SP110: variants seen among roughly 807,000 people sequenced by gnomAD.
SP110 encodes interferon-induced protein 41, 30kD.
In SP110, 62 loss-of-function variants were observed where a neutral mutation model predicts 92.7. That is an observed-to-expected ratio of 0.67 (90% CI 0.55 to 0.83). SP110 has a LOEUF of 0.83. SP110 is among the 40% of genes least tolerant of loss of function. The probability of loss-of-function intolerance (pLI) is 0.00; values close to 1 mark genes in which losing one functional copy is unlikely to be tolerated. For synonymous variants in SP110, 273 were observed against 305.3 expected (o/e 0.89, Z 1.10); for missense variants, 793 against 863.9 (o/e 0.92, Z 1.03).
intron 10 of SP110, among the ~76,000 whole-genome samples, chr2:230,191,150 G>A (rs2042613908): frequency 6.6e-6 from 1 of 152,100 alleles, no homozygotes; most frequent in East Asian, 1.9e-4. Context: ...AGTGTTAAGA[G>A]GAAAACTTGT....
intron 11 of SP110, 142 bp downstream of exon 11, chr2:230,185,852 C>A: frequency 2.5e-6 from 2 of 808,344 alleles, no homozygotes; most frequent in South Asian, 2.8e-5. Context: ...TCAACAGATC[C>A]GTGCTCTGTC....
chr2:230,221,667 A>T (rs2045832276), upstream of SP110: 1 of 1,531,884 alleles, frequency 6.5e-7, no homozygotes, highest in Non-Finnish European at 8.7e-7. Flanking sequence ...TGGTAAAGGA[A>T]TTAAGGTTAT....
At chr2:230,172,644 T>A (rs1309120423) in intron 15 of SP110, 200 bp downstream of exon 15, 1 of 587,122 alleles carries the variant, frequency 1.7e-6, no homozygotes, top group African/African-American at 1.9e-5. Context: ...GGGAATAGCA[T>A]ACTAGGAAAG....
In SP110 at chr2:230,171,400, TGA is replaced by T. The variant is rs551180570; in HGVS notation, c.1887+294_1887+295del. The T allele has an allele frequency of 5.1e-4, 217 of 424,868 alleles. 1 individual carries two copies. Among genetic ancestry groups the T allele is most frequent in the South Asian group, 8.0e-4 (37 of 46,374 alleles). The allele number at this position is 424,868 out of a possible 1,614,324, so 26.3% of individuals were successfully genotyped here. A position where few individuals can be genotyped will look rare whatever the true frequency, so the allele number is the denominator to read the frequency against. On this transcript the variant is annotated intron_variant, in intron 17 of 18. Coordinates refer to ENST00000258381, the MANE Select transcript of SP110 (RefSeq NM_080424.4). ...AGCCGCTGAGCCCAGCTGGCATCTG[TGA>T]CTCTTAATCTCTAGTAGGAAAGACA... is the stretch of plus-strand genomic sequence containing the variant.
chr2:230,219,937 A>C lies in SP110; in HGVS notation c.-65T>G. ...GCTGGGACAGGGATCACTCCTCAAG[A>C]TTGGGAGAGTTACAGGGAGATGCTA... On this transcript the variant is annotated 5_prime_UTR_variant, in exon 1 of 19. Transcript: ENST00000258381. The C allele has an allele frequency of 5.1e-6, 5 of 985,480 alleles. No individual in the cohort carries two copies. The highest frequency in any genetic ancestry group is 6.0e-6 in the Non-Finnish European group (5 of 829,924). The allele number at this position is 985,480 out of a possible 1,614,324, so 61.0% of individuals were successfully genotyped here. A position where few individuals can be genotyped will look rare whatever the true frequency, so the allele number is the denominator to read the frequency against.
intron 2 of SP110, among the ~76,000 whole-genome samples, chr2:230,215,706 G>C (rs558930721): frequency 1.3e-5 from 2 of 152,326 alleles, no homozygotes; most frequent in South Asian, 4.1e-4. Context: ...CTCGGTCAGC[G>C]AGTCTTTGGG....
chr2:230,188,798 T>TAA (rs1369058373), intron 10 of SP110, among the ~76,000 whole-genome samples: 1 of 152,226 alleles, frequency 6.6e-6, no homozygotes, highest in African/African-American at 2.4e-5. Context: ...TTGCATGTGT[T>TAA]AAACCATCCC....
intron 18 of SP110, among the ~76,000 whole-genome samples, chr2:230,170,217 T>C (rs914839697): frequency 6.6e-6 from 1 of 151,726 alleles, no homozygotes; most frequent in Non-Finnish European, 1.5e-5. Context: ...TATGCAAGCC[T>C]GATTATCCAG....
chr2:230,170,577 G>C (rs200770911), intron 18 of SP110, 44 bp downstream of exon 18: 1 of 1,612,246 alleles, frequency 6.2e-7, no homozygotes, highest in Non-Finnish European at 8.5e-7. Flanking sequence ...GAAATTAGGG[G>C]AAAGTAGAAA....
chr2:230,172,802 G>T (rs1455915001), intron 15 of SP110, 42 bp downstream of exon 15: 2 of 1,315,596 alleles, frequency 1.5e-6, no homozygotes, highest in Non-Finnish European at 2.2e-6. Flanking sequence ...TCCATCTGGA[G>T]GTGAGTGCTG....
intron 14 of SP110, among the ~76,000 whole-genome samples, chr2:230,175,045 T>A (rs2041790430): frequency 6.6e-6 from 1 of 152,180 alleles, no homozygotes; most frequent in Non-Finnish European, 1.5e-5. Flanking sequence ...TTTAAAGATT[T>A]TTTTTTTTCT....
intron 8 of SP110, among the ~76,000 whole-genome samples, chr2:230,204,561 G>A (rs2043547629): frequency 6.6e-6 from 1 of 151,696 alleles, no homozygotes; most frequent in South Asian, 2.1e-4. Context: ...TCCTTTGTCA[G>A]ATCATTATTC....
intron 10 of SP110, chr2:230,200,683 G>A: frequency 1.6e-6 from 1 of 611,498 alleles, no homozygotes; most frequent in Middle Eastern, 4.4e-4. Flanking sequence ...CATACATATG[G>A]ACACATTACA....
chr2:230,223,986 G>T (rs2046032900), upstream of SP110, among the ~76,000 whole-genome samples: 2 of 152,208 alleles, frequency 1.3e-5, 1 homozygote, highest in South Asian at 4.1e-4. Flanking sequence ...ACCAGAGATG[G>T]TCTGATGGTC....
chr2:230,204,515 C>T (rs2043543526), intron 8 of SP110, among the ~76,000 whole-genome samples: 1 of 152,066 alleles, frequency 6.6e-6, no homozygotes, highest in Non-Finnish European at 1.5e-5. Flanking sequence ...ATGTCTATGA[C>T]CCCTTTTCAT....
At chr2:230,197,795 T>C (rs1004440326) in intron 10 of SP110, among the ~76,000 whole-genome samples, 1 of 152,130 alleles carries the variant, frequency 6.6e-6, no homozygotes, top group Non-Finnish European at 1.5e-5. Context: ...ATTTATTAAA[T>C]AGGGAATCCT....
intron 12 of SP110, among the ~76,000 whole-genome samples, chr2:230,183,037 C>T (rs993588457): frequency 2.0e-5 from 3 of 151,876 alleles, no homozygotes; most frequent in African/African-American, 4.8e-5. Flanking sequence ...GTGTGGCTGG[C>T]GCCTAAAAAA....
intron 14 of SP110, chr2:230,177,245 G>A: frequency 2.3e-6 from 1 of 432,298 alleles, no homozygotes. Context: ...GTGGTTGCAG[G>A]CATCTGTCTT....
At chr2:230,195,067 T>C (rs1319128712) in intron 10 of SP110, among the ~76,000 whole-genome samples, 1 of 151,986 alleles carries the variant, frequency 6.6e-6, no homozygotes, top group African/African-American at 2.4e-5. Context: ...TTTTTTTCTG[T>C]TTTCTTTTTG....
Sources: allele counts gnomAD v4.1 joint callset (sites outside exome capture counted in the v4.1 genomes callset), GRCh38; gene constraint gnomAD v4.1.1; transcripts MANE v1.5; gene names NCBI Gene and HGNC (gene_info 2026-07-23, HGNC 2026-07-21).